RSPH14: variants seen among roughly 807,000 people sequenced by gnomAD.
RSPH14 encodes the protein rhabdoid tumor deletion region gene 1.
A neutral mutation model predicts 26.7 loss-of-function variants in RSPH14; 20 were observed. The observed-to-expected ratio is 0.75, with a 90% confidence interval of 0.53 to 1.09. The LOEUF is 1.09. Among genes scored for constraint, RSPH14 ranks in the 50% least tolerant of loss-of-function variants. RSPH14 has a pLI of 0.00. For missense variants in RSPH14, 449 were observed against 457.2 expected, an observed-to-expected ratio of 0.98 and a Z score of 0.16; for synonymous variants, 177 against 189.3, an observed-to-expected ratio of 0.93 and a Z score of 0.53.
At chr22:23,152,432 C>T in the RSPH14 span, 1,533 of 1,613,376 alleles carry the variant, frequency 9.5e-4, 12 homozygotes, top group African/African-American at 0.018. Context: ...AAGGCATGCC[C>T]GACGGCAACA....
At chr22:23,118,618 C>G (rs1156463075) in intron 4 of RSPH14, among the ~76,000 whole-genome samples, 1 of 152,210 alleles carries the variant, frequency 6.6e-6, no homozygotes, top group Non-Finnish European at 1.5e-5. Flanking sequence ...AGGCCTTGGG[C>G]CCCATATGTG....
chr22:23,095,668 C>T, intron 4 of RSPH14: 1 of 1,579,914 alleles, frequency 6.3e-7, no homozygotes, highest in Non-Finnish European at 8.6e-7. Context: ...ATCCCGTGCT[C>T]CTTGTCTGGG....
the RSPH14 span, among the ~76,000 whole-genome samples, chr22:23,178,698 C>T: frequency 5.3e-5 from 8 of 152,336 alleles, no homozygotes; most frequent in East Asian, 1.5e-3. Context: ...CAGGAATGTT[C>T]TCCAGGGGCA....
intron 4 of RSPH14, among the ~76,000 whole-genome samples, chr22:23,113,108 C>T (rs901814498): frequency 1.3e-5 from 2 of 152,350 alleles, no homozygotes; most frequent in South Asian, 4.1e-4. Context: ...TGACCCTGGC[C>T]AGGAAGACAC....
chr22:23,076,153 T>C (rs909805016), intron 4 of RSPH14, among the ~76,000 whole-genome samples: 2 of 152,206 alleles, frequency 1.3e-5, no homozygotes, highest in African/African-American at 2.4e-5. Context: ...GTGGGGCCTC[T>C]ATGTAGAACA....
At chr22:23,152,870 C>T in the RSPH14 span, among the ~76,000 whole-genome samples, 1 of 152,248 alleles carries the variant, frequency 6.6e-6, no homozygotes, top group African/African-American at 2.4e-5. Context: ...CCTTTCCCCA[C>T]ATTGTCCTTG....
chr22:23,144,388 T>C (rs1180435811), upstream of RSPH14, among the ~76,000 whole-genome samples: 2 of 152,230 alleles, frequency 1.3e-5, no homozygotes, highest in East Asian at 1.9e-4. Context: ...GAATAGTTAA[T>C]GGACTTGAAT....
intron 1 of RSPH14, among the ~76,000 whole-genome samples, chr22:23,141,327 C>CA (rs35460609): frequency 0.027 from 2,226 of 82,114 alleles, 57 homozygotes; most frequent in African/African-American, 0.076. Context: ...GACTCCGTCT[C>CA]AAAAAAAAAA....
the RSPH14 span, chr22:23,161,552 G>T: frequency 6.2e-7 from 1 of 1,611,248 alleles, no homozygotes; most frequent in South Asian, 1.1e-5. Context: ...CCTCCAGCCT[G>T]GGCTGCTGCT....
At chr22:23,168,153 G>A in the RSPH14 span, among the ~76,000 whole-genome samples, 9 of 152,030 alleles carry the variant, frequency 5.9e-5, no homozygotes, top group South Asian at 4.2e-4. Flanking sequence ...CACTCCTCCC[G>A]CAGCCCACAC....
At chr22:23,158,424 A>G in the RSPH14 span, among the ~76,000 whole-genome samples, 2 of 152,148 alleles carry the variant, frequency 1.3e-5, no homozygotes, top group Non-Finnish European at 2.9e-5. Context: ...AAGTGACATG[A>G]ATTTGGCACT....
At chr22:23,149,666 T>A (rs930999558), upstream of RSPH14, among the ~76,000 whole-genome samples, 8 of 152,180 alleles carry the variant, frequency 5.3e-5, no homozygotes, top group Non-Finnish European at 1.0e-4. Context: ...GCCTCCTCAG[T>A]ATCTAGGACC....
chr22:23,146,662 C>CA, upstream of RSPH14: 1 of 1,613,980 alleles, frequency 6.2e-7, no homozygotes, highest in Non-Finnish European at 8.5e-7. Context: ...GAGCCGCGAC[C>CA]GTGTCATCGC....
chr22:23,171,712 C>G, the RSPH14 span, among the ~76,000 whole-genome samples: 1 of 151,802 alleles, frequency 6.6e-6, no homozygotes, highest in Admixed American at 6.6e-5. Context: ...CGTGGTGGCA[C>G]GTGCCTGTAA....
chr22:23,114,103 G>A (rs985843976), intron 4 of RSPH14, among the ~76,000 whole-genome samples: 2 of 152,180 alleles, frequency 1.3e-5, no homozygotes, highest in Non-Finnish European at 2.9e-5. Flanking sequence ...CCTCAGTCAG[G>A]GTGCTGCCCT....
rs114572517 is a variant in RSPH14, at chr22:23,126,434, G to A, written c.421+7592C>T. Reference sequence around the variant, plus strand: ...CCCCAATGATCCCTTTGCCTAGCATGTCCTTCCCCATCCTCACAGCTCAAA... The same window carrying A: ...CCCCAATGATCCCTTTGCCTAGCATATCCTTCCCCATCCTCACAGCTCAAA... On this transcript the variant is annotated intron_variant, in intron 4 of 6. Transcript: ENST00000216036. Among the ~76,000 whole-genome samples, 731 of 152,288 alleles carry A rather than the reference G, an allele frequency of 4.8e-3. 6 individuals carry two copies. Among genetic ancestry groups the A allele is most frequent in the African/African-American group, 0.016 (666 of 41,556 alleles).
chr22:23,168,499 C>T, the RSPH14 span, among the ~76,000 whole-genome samples: 573 of 106,218 alleles, frequency 5.4e-3, 6 homozygotes, highest in African/African-American at 0.021. Flanking sequence ...CTCCCCGCCA[C>T]ACACACACAC....
chr22:23,123,680 G>A (rs567270582), intron 4 of RSPH14: 102 of 526,084 alleles, frequency 1.9e-4, no homozygotes, highest in Middle Eastern at 5.1e-4. Context: ...CTAAAATGTC[G>A]AGGTCTCTTG....
chr22:23,068,926 T>C (rs1340027724), intron 4 of RSPH14, among the ~76,000 whole-genome samples: 5 of 152,150 alleles, frequency 3.3e-5, no homozygotes, highest in African/African-American at 1.2e-4. Flanking sequence ...CCCTCAGCCA[T>C]TGGCTGAATT....
Sources: allele counts gnomAD v4.1 joint callset (sites outside exome capture counted in the v4.1 genomes callset), GRCh38; gene constraint gnomAD v4.1.1; transcripts MANE v1.5; gene names NCBI Gene and HGNC (gene_info 2026-07-23, HGNC 2026-07-21).